CCDC141: variants seen among roughly 807,000 people sequenced by gnomAD.
The protein encoded by CCDC141 is coiled-coil domain containing 141, also known as coiled-coil domain-containing protein 141.
In CCDC141, 168 loss-of-function variants were observed where a neutral mutation model predicts 181.0. That is an observed-to-expected ratio of 0.93 (90% CI 0.82 to 1.05). The LOEUF (loss-of-function observed/expected upper bound fraction) is 1.05, where lower values mean the gene tolerates loss of function less well. Ranked by LOEUF, CCDC141 falls within the 50% of genes least tolerant of loss-of-function variation. CCDC141 has a pLI of 0.00. For missense variants in CCDC141, 1,902 were observed against 1,788.5 expected, an observed-to-expected ratio of 1.06 and a Z score of -1.14; for synonymous variants, 666 against 642.3, an observed-to-expected ratio of 1.04 and a Z score of -0.56.
At chr2:179,002,533 G>A (rs2042014911) in intron 2 of CCDC141, 4 of 377,122 alleles carry the variant, frequency 1.1e-5, no homozygotes, top group Non-Finnish European at 5.2e-6. Context: ...GGTAAGAAAG[G>A]CCTTTAACAA....
chr2:178,883,220 A>G (rs1686710954), intron 11 of CCDC141, among the ~76,000 whole-genome samples: 1 of 152,174 alleles, frequency 6.6e-6, no homozygotes, highest in Non-Finnish European at 1.5e-5. Context: ...ATATTCATCA[A>G]CAAGATAATT....
At chr2:178,920,768 T>C (rs1688655079) in intron 6 of CCDC141, among the ~76,000 whole-genome samples, 1 of 151,812 alleles carries the variant, frequency 6.6e-6, no homozygotes, top group East Asian at 1.9e-4. Flanking sequence ...TAGCAGATGT[T>C]AAGATAGAAA....
chr2:178,861,243 T>G (rs1685603694), intron 17 of CCDC141, among the ~76,000 whole-genome samples: 2 of 152,102 alleles, frequency 1.3e-5, no homozygotes, highest in South Asian at 4.1e-4. Context: ...CACAGCTCAC[T>G]GTAGCCTCAA....
rs1207901910 is a variant in CCDC141 at position 178,961,263 on chromosome 2, C to T, written c.747G>A (p.Leu249=). 4 of 1,550,302 alleles carry T rather than the reference C, an allele frequency of 2.6e-6. No homozygotes were observed. The highest frequency in any genetic ancestry group is 2.7e-5 in the African/African-American group (2 of 73,032). The change falls in exon 5 of 24, where the codon CTG becomes CTA. Residue 249 remains leucine (L), a synonymous_variant. Transcript: ENST00000443758. ...CTTGTTGGTCCCACTGACATATCTG[C>T]AGAACTTGACTCAATTCTTGCCACT... The part of the protein sequence containing the change: ...KQQWQELSQV[L]QICQWDQQEN...
intron 6 of CCDC141, among the ~76,000 whole-genome samples, chr2:178,925,592 T>A (rs969580173): frequency 6.6e-6 from 1 of 152,224 alleles, no homozygotes; most frequent in African/African-American, 2.4e-5. Flanking sequence ...ATTCCCAAGA[T>A]TTGTGTATTC....
chr2:179,010,833 T>C (rs2042247779), intron 2 of CCDC141, among the ~76,000 whole-genome samples: 1 of 151,984 alleles, frequency 6.6e-6, no homozygotes, highest in South Asian at 2.1e-4. Flanking sequence ...AATAATAACA[T>C]TGAATGTAAA....
At chr2:179,021,809 C>T (rs978937393) in intron 2 of CCDC141, among the ~76,000 whole-genome samples, 6 of 152,120 alleles carry the variant, frequency 3.9e-5, no homozygotes, top group African/African-American at 9.7e-5. Context: ...ATGGAAATGC[C>T]AGCTACAACT....
chr2:178,841,522 C>G (rs1684717404), intron 22 of CCDC141, among the ~76,000 whole-genome samples: 2 of 152,086 alleles, frequency 1.3e-5, no homozygotes, highest in African/African-American at 4.8e-5. Context: ...TAAATTATCA[C>G]AGGTACTTCA....
intron 2 of CCDC141, among the ~76,000 whole-genome samples, chr2:179,003,492 A>C (rs2042040720): frequency 6.6e-6 from 1 of 152,248 alleles, no homozygotes; most frequent in Non-Finnish European, 1.5e-5. Flanking sequence ...GATTAAATGA[A>C]GTAATCCATG....
intron 21 of CCDC141, among the ~76,000 whole-genome samples, chr2:178,848,335 G>A (rs1431004550): frequency 1.3e-5 from 2 of 152,214 alleles, no homozygotes; most frequent in Non-Finnish European, 2.9e-5. Context: ...GCCTTGAATT[G>A]GAACTTGACT....
At chr2:178,915,009 C>G (rs1355889554) in intron 7 of CCDC141, among the ~76,000 whole-genome samples, 1 of 151,860 alleles carries the variant, frequency 6.6e-6, no homozygotes, top group African/African-American at 2.4e-5. Context: ...ATGGCAAAAT[C>G]CCATCTCTAC....
chr2:178,930,231 A>G (rs10930841), intron 6 of CCDC141, among the ~76,000 whole-genome samples: 26,110 of 152,036 alleles, frequency 0.17, 2,340 homozygotes, highest in Middle Eastern at 0.22. Flanking sequence ...AAAAAGTAAA[A>G]TACCTAGGAA....
At chr2:178,988,607 T>G (rs1189839736) in intron 2 of CCDC141, among the ~76,000 whole-genome samples, 2 of 152,112 alleles carry the variant, frequency 1.3e-5, no homozygotes, top group Non-Finnish European at 2.9e-5. Flanking sequence ...TTCAATGTAA[T>G]CAATATAAAA....
intron 14 of CCDC141, among the ~76,000 whole-genome samples, chr2:178,870,046 AC>A (rs1558942379): frequency 6.6e-6 from 1 of 152,076 alleles, no homozygotes; most frequent in African/African-American, 2.4e-5. Context: ...AGCCTGGCCA[AC>A]ATGGCAGAAC....
intron 5 of CCDC141, among the ~76,000 whole-genome samples, chr2:178,946,042 G>A (rs541092948): frequency 8.5e-5 from 13 of 152,242 alleles, no homozygotes; most frequent in African/African-American, 2.2e-4. Context: ...CTGCTAATTG[G>A]AAATGTCTTT....
At chr2:178,987,431 C>T (rs1039131828) in intron 2 of CCDC141, among the ~76,000 whole-genome samples, 12 of 152,024 alleles carry the variant, frequency 7.9e-5, no homozygotes, top group Non-Finnish European at 1.3e-4. Flanking sequence ...GTCTAAAACA[C>T]CAAAAGCAAT....
At chr2:178,817,477 G>A in the CCDC141 span, 1 of 470,552 alleles carries the variant, frequency 2.1e-6, no homozygotes, top group Non-Finnish European at 4.4e-6. Context: ...ATAGAGTTAT[G>A]AAACACAATA....
chr2:178,904,199 A>G (rs1186948549), intron 8 of CCDC141, among the ~76,000 whole-genome samples: 1 of 152,212 alleles, frequency 6.6e-6, no homozygotes, highest in Non-Finnish European at 1.5e-5. Context: ...AAACTTAGTA[A>G]AAAACGTAGT....
chr2:178,966,379 G>A (rs889397464), intron 4 of CCDC141, among the ~76,000 whole-genome samples: 19 of 152,290 alleles, frequency 1.2e-4, no homozygotes, highest in African/African-American at 2.4e-4. Flanking sequence ...TCTGACTGGC[G>A]TCTAGCAGGT....
Sources: gnomAD v4.1 joint callset for allele counts (sites outside exome capture counted in the v4.1 genomes callset) on GRCh38, gnomAD v4.1.1 for gene constraint, MANE v1.5 for transcripts, NCBI Gene and HGNC (gene_info 2026-07-23, HGNC 2026-07-21) for gene names.